The following STON1 variants were observed in gnomAD, a reference collection of about 807,000 sequenced individuals.
STON1 encodes the protein stonin 1.
STON1 carries 79 observed loss-of-function variants against 60.9 expected under a neutral mutation model. The observed-to-expected ratio is 1.30, with a 90% CI of 1.08 to 1.56. STON1 has a LOEUF of 1.56. Ranked by LOEUF, STON1 falls within the 40% of genes most tolerant of loss-of-function variation. The pLI, the probability that STON1 is intolerant of heterozygous loss-of-function variation, is 0.00. For missense variants in STON1, 1,166 were observed against 858.9 expected, an observed-to-expected ratio of 1.36 and a Z score of -4.47; for synonymous variants, 363 against 306.9, an observed-to-expected ratio of 1.18 and a Z score of -1.91.
chr2:48,550,751 C>T (rs1034655498), intron 1 of STON1, among the ~76,000 whole-genome samples: 1 of 151,524 alleles, frequency 6.6e-6, no homozygotes, highest in Non-Finnish European at 1.5e-5. Context: ...ATGTTTATAG[C>T]TGCTTTCCAC....
At chr2:48,560,359 TCTAGTGAC>T (rs1270669058) in intron 1 of STON1, among the ~76,000 whole-genome samples, 4 of 152,324 alleles carry the variant, frequency 2.6e-5, no homozygotes, top group Non-Finnish European at 5.9e-5. Flanking sequence ...GGCATCACCA[TCTAGTGAC>T]CACAGGGTCC....
intron 1 of STON1, among the ~76,000 whole-genome samples, chr2:48,573,984 C>T (rs1433126099): frequency 6.6e-6 from 1 of 152,140 alleles, no homozygotes; most frequent in African/African-American, 2.4e-5. Context: ...TTCACAGGCA[C>T]AGAAAGTAGT....
chr2:48,543,521 A>C (rs1671744573), intron 1 of STON1, among the ~76,000 whole-genome samples: 1 of 150,816 alleles, frequency 6.6e-6, no homozygotes, highest in Admixed American at 6.6e-5. Flanking sequence ...TTTCATTTTT[A>C]AAGATAACTT....
In STON1 at chr2:48,580,932, A is replaced by C. The variant is rs1426196509; in HGVS notation, c.299A>C (p.His100Pro). The change falls in exon 2 of 4, where the codon CAT becomes CCT. Residue 100 changes from histidine to proline, a missense_variant. His to Pro is a moderately conservative substitution (Grantham distance 77). Transcript: ENST00000404752. ...GFPGIPKAGT[H>P]VLYPIPESSS... ...CCTGGCATCCCCAAAGCAGGGACTC[A>C]TGTGCTTTATCCTATTCCAGAATCA... is the stretch of plus-strand genomic sequence containing the variant. 6 of 1,600,002 alleles carry C rather than the reference A, an allele frequency of 3.8e-6. No individual in the cohort carries two copies. Among genetic ancestry groups the C allele is most frequent in the Non-Finnish European group, 4.3e-6 (5 of 1,174,526 alleles).
chr2:48,553,286 G>A (rs62135201), intron 1 of STON1, among the ~76,000 whole-genome samples: 45,960 of 151,826 alleles, frequency 0.3, 7,187 homozygotes, highest in East Asian at 0.38. Flanking sequence ...GAAAACCTCC[G>A]GCCTGAAGGC....
chr2:48,549,502 G>T (rs1159605706), intron 1 of STON1, among the ~76,000 whole-genome samples: 1 of 152,048 alleles, frequency 6.6e-6, no homozygotes, highest in Non-Finnish European at 1.5e-5. Context: ...TAGGGTTCTG[G>T]TTTGTCAGTG....
rs544977453 is a variant in STON1, at chr2:48,551,917, C to G, written c.-48+21701C>G. Among the ~76,000 whole-genome samples, 8 of 152,346 alleles carry G rather than the reference C, an allele frequency of 5.3e-5. No homozygotes were observed. The East Asian group carries it at 1.5e-3, about 29-fold the overall frequency. On this transcript the variant is annotated intron_variant, in intron 1 of 3. Coordinates refer to ENST00000404752, the MANE Select transcript of STON1 (RefSeq NM_006873.4). ...ACAAGTGATGTTGGGAGCTCCAACC[C>G]GGATTCCTGGTCAGTCACCAACTTC...
At chr2:48,589,435 A>C (rs917365897) in intron 2 of STON1, among the ~76,000 whole-genome samples, 1 of 152,246 alleles carries the variant, frequency 6.6e-6, no homozygotes, top group African/African-American at 2.4e-5. Context: ...ATTTGAAAAT[A>C]ATCTGTTAAG....
At chr2:48,554,729 T>A (rs1260323481) in intron 1 of STON1, among the ~76,000 whole-genome samples, 6 of 66,344 alleles carry the variant, frequency 9.0e-5, no homozygotes, top group African/African-American at 1.6e-4. Context: ...TTTTTTTATT[T>A]ATTTATTTAT....
At chr2:48,576,028 G>A (rs1439278936) in intron 1 of STON1, among the ~76,000 whole-genome samples, 6 of 151,658 alleles carry the variant, frequency 4.0e-5, no homozygotes, top group African/African-American at 1.5e-4. Context: ...AAAGTGCCTG[G>A]ATTAGAGGTG....
At chr2:48,571,278 C>G (rs763101332) in intron 1 of STON1, among the ~76,000 whole-genome samples, 4 of 152,024 alleles carry the variant, frequency 2.6e-5, no homozygotes, top group Non-Finnish European at 5.9e-5. Context: ...GAGGGAAAAG[C>G]CAGGGAATCA....
intron 2 of STON1, among the ~76,000 whole-genome samples, chr2:48,584,825 C>A: frequency 6.6e-6 from 1 of 152,140 alleles, no homozygotes; most frequent in East Asian, 1.9e-4. Context: ...TGCCCGTACC[C>A]TGGAGGCCAT....
rs1674783226 is a variant in STON1 at position 48,596,416 on chromosome 2, C to G, written c.*1114C>G. The G allele has an allele frequency of 6.6e-6, 1 of 152,114 alleles. No individual in the cohort carries two copies. Among genetic ancestry groups the G allele is most frequent in the African/African-American group, 2.4e-5 (1 of 41,436 alleles). The allele number at this position is 152,114 out of a possible 1,614,324, so 9.4% of individuals were successfully genotyped here. A position where few individuals can be genotyped will look rare whatever the true frequency, so the allele number is the denominator to read the frequency against. On this transcript the variant is annotated 3_prime_UTR_variant, in exon 4 of 4. Transcript: ENST00000404752. ...GTCAATAGCATTAGCAGTTATAATT[C>G]TGTTTATAATTTCCTTTCAGCATTT...
At chr2:48,575,030 C>T (rs533151587) in intron 1 of STON1, among the ~76,000 whole-genome samples, 1 of 152,218 alleles carries the variant, frequency 6.6e-6, no homozygotes, top group South Asian at 2.1e-4. Context: ...TTTACCTACT[C>T]CCAGTTCCTG....
chr2:48,592,759 C>G (rs768225479), intron 3 of STON1, among the ~76,000 whole-genome samples: 6 of 152,074 alleles, frequency 3.9e-5, no homozygotes, highest in Admixed American at 2.6e-4. Context: ...CCATGCCTAG[C>G]CTATTGGTAG....
At chr2:48,578,511 C>T (rs991476375) in intron 1 of STON1, among the ~76,000 whole-genome samples, 6 of 148,378 alleles carry the variant, frequency 4.0e-5, no homozygotes, top group Non-Finnish European at 8.9e-5. Context: ...TTTTCTCCTC[C>T]TCCTTCTCCG....
chr2:48,535,352 A>C (rs1370217654), intron 1 of STON1, among the ~76,000 whole-genome samples: 1 of 152,094 alleles, frequency 6.6e-6, no homozygotes, highest in Non-Finnish European at 1.5e-5. Flanking sequence ...TGATTGGGTG[A>C]GGTGGAAATA....
chr2:48,575,655 A>AAAATAAATAAATAAATAAATAAAT (rs74495343), intron 1 of STON1, among the ~76,000 whole-genome samples: 2 of 148,786 alleles, frequency 1.3e-5, no homozygotes, highest in African/African-American at 5.0e-5. Context: ...CTCCGTCTCA[A>AAAATAAATAAATAAATAAATAAAT]AAATAAATAA....
Position 48,580,756 on chromosome 2 carries a change from G to T in STON1, c.123G>T (p.Lys41Asn). 1 of 1,557,134 alleles carries T rather than the reference G, an allele frequency of 6.4e-7. No homozygotes were observed. The highest frequency in any genetic ancestry group is 8.7e-7 in the Non-Finnish European group (1 of 1,152,788). The change falls in exon 2 of 4, where the codon AAG (lysine) becomes AAT (asparagine). Residue 41 changes from lysine to asparagine, a missense_variant. Transcript: ENST00000404752. ...NQGVCRPNGL[K>N]LNLPGLREFP... ...GTGTCTGTAGACCAAATGGACTGAA[G>T]CTGAACCTTCCTGGCCTCAGGGAAT...
Sources: gnomAD v4.1 joint callset for allele counts (sites outside exome capture counted in the v4.1 genomes callset) on GRCh38, gnomAD v4.1.1 for gene constraint, MANE v1.5 for transcripts, NCBI Gene and HGNC (gene_info 2026-07-23, HGNC 2026-07-21) for gene names.